Variants in ADARB1 observed in about 807,000 individuals in gnomAD.
ADARB1 encodes adenosine deaminase RNA specific B1.
In ADARB1, 10 loss-of-function variants were observed where a neutral mutation model predicts 52.4. The ratio of observed to expected loss-of-function variants is 0.19; its 90% CI spans 0.12 to 0.32. The LOEUF (loss-of-function observed/expected upper bound fraction) is 0.32, where lower values mean the gene tolerates loss of function less well. ADARB1 is among the 10% of genes least tolerant of loss of function. The probability of loss-of-function intolerance (pLI) is 1.00; values close to 1 mark genes in which losing one functional copy is unlikely to be tolerated. For missense variants in ADARB1, 643 were observed against 922.3 expected (o/e 0.70, Z 3.92); for synonymous variants, 349 against 371.1 (o/e 0.94, Z 0.68).
chr21:45,179,920 G>A (rs564797496), intron 4 of ADARB1, among the ~76,000 whole-genome samples: 2 of 152,236 alleles, frequency 1.3e-5, no homozygotes, highest in East Asian at 1.9e-4. Context: ...GTGTGTGCAT[G>A]TGAGAGAGGG....
At position 45,204,769 on chromosome 21, in the gene ADARB1, C is replaced by A. The variant is rs1481813914; in HGVS notation, c.1747+33C>A. The A allele has an allele frequency of 6.3e-7, 1 of 1,599,490 alleles. No homozygotes were observed. The highest frequency in any genetic ancestry group is 8.5e-7 in the Non-Finnish European group (1 of 1,170,172). ...TCTCTAGAGTGTGCTGATTTAATCT[C>A]TGTCTTGATTTTGCAATGTTTTCAT... On this transcript the variant is annotated intron_variant, in intron 9 of 10. Transcript: ENST00000348831. This position sits in a 1 kb window ranked among gnomAD's most constrained non-coding sequence, Gnocchi z 4.4.
intron 2 of ADARB1, among the ~76,000 whole-genome samples, chr21:45,161,991 A>G (rs1181698373): frequency 2.0e-5 from 3 of 152,170 alleles, no homozygotes; most frequent in East Asian, 3.9e-4. Context: ...CACGCACCTC[A>G]TTCTTCCTGG....
intron 1 of ADARB1, among the ~76,000 whole-genome samples, chr21:45,098,808 T>C (rs960371305): frequency 6.6e-6 from 1 of 152,178 alleles, no homozygotes; most frequent in Non-Finnish European, 1.5e-5. Flanking sequence ...CCTTCAATCT[T>C]GTGTATATTT....
intron 1 of ADARB1, among the ~76,000 whole-genome samples, chr21:45,111,631 A>C (rs1489996650): frequency 6.6e-6 from 1 of 152,204 alleles, no homozygotes; most frequent in Non-Finnish European, 1.5e-5. Context: ...ATATAAATGC[A>C]GTCAAAGGAT....
intron 8 of ADARB1, among the ~76,000 whole-genome samples, chr21:45,196,427 G>A (rs535945224): frequency 2.6e-5 from 4 of 152,140 alleles, no homozygotes; most frequent in African/African-American, 9.7e-5. Flanking sequence ...AGGAGATAAT[G>A]TTTGTGACAT....
At chr21:45,082,336 A>G (rs1258701271) in intron 1 of ADARB1, among the ~76,000 whole-genome samples, 1 of 152,230 alleles carries the variant, frequency 6.6e-6, no homozygotes, top group Non-Finnish European at 1.5e-5. Flanking sequence ...TCAAAATTCA[A>G]AGTACACTTT....
intron 1 of ADARB1, among the ~76,000 whole-genome samples, chr21:45,106,630 T>G (rs2087270766): frequency 6.6e-6 from 1 of 152,200 alleles, no homozygotes; most frequent in Non-Finnish European, 1.5e-5. Context: ...TAATAAACCA[T>G]TTTTAGTGCT....
chr21:45,221,854 T>C lies in ADARB1; in HGVS notation c.1927-164T>C, dbSNP rs1333346210. The stretch of plus-strand genomic sequence containing the variant: ...TCAGCCCTTAGGAGACGCCGCACCT[T>C]GTTCTGTGTGAAGCCGTTCCCTTGG... On this transcript the variant is annotated intron_variant, in intron 10 of 10. Transcript: ENST00000348831. This position sits in a 1 kb window ranked among gnomAD's most constrained non-coding sequence, Gnocchi z 4.9. 1.3e-5 allele frequency among the ~76,000 whole-genome samples: 2 copies of C among 152,194 alleles called. No homozygotes were observed. The highest frequency in any genetic ancestry group is 2.9e-5 in the Non-Finnish European group (2 of 68,028).
chr21:45,120,770 C>T (rs767016909), intron 1 of ADARB1: 1 of 152,162 alleles, frequency 6.6e-6, no homozygotes, highest in South Asian at 2.1e-4. Flanking sequence ...CTTTCTTTAT[C>T]CTCCATTTTT....
At chr21:45,097,007 A>G (rs540824499) in intron 1 of ADARB1, among the ~76,000 whole-genome samples, 34 of 152,268 alleles carry the variant, frequency 2.2e-4, no homozygotes, top group African/African-American at 6.7e-4. Context: ...CCAAAGTGCT[A>G]GGATTACAGG....
At chr21:45,147,629 G>C (rs1028899963) in intron 2 of ADARB1, among the ~76,000 whole-genome samples, 1 of 151,976 alleles carries the variant, frequency 6.6e-6, no homozygotes, top group South Asian at 2.1e-4. Flanking sequence ...CCAGGCCCCC[G>C]GGGGTGCACA....
intron 2 of ADARB1, among the ~76,000 whole-genome samples, chr21:45,156,614 C>T (rs1468641899): frequency 6.7e-6 from 1 of 150,096 alleles, no homozygotes; most frequent in Non-Finnish European, 1.5e-5. Flanking sequence ...CATCCACCCA[C>T]CCACTCACCC....
At chr21:45,179,791 G>A (rs2146187790) in intron 4 of ADARB1, among the ~76,000 whole-genome samples, 1 of 152,280 alleles carries the variant, frequency 6.6e-6, no homozygotes, top group Middle Eastern at 3.4e-3. Flanking sequence ...TGCACAGCTT[G>A]TGGCTTCCTT....
intron 1 of ADARB1, among the ~76,000 whole-genome samples, chr21:45,126,546 CG>C (rs1290999752): frequency 6.6e-6 from 1 of 152,130 alleles, no homozygotes; most frequent in East Asian, 1.9e-4. Context: ...CCATCTGCGG[CG>C]GGTGTTCCTT....
intron 2 of ADARB1, among the ~76,000 whole-genome samples, chr21:45,151,695 G>T (rs2090299566): frequency 3.3e-5 from 5 of 152,180 alleles, no homozygotes; most frequent in Admixed American, 3.3e-4. Context: ...AGGGCTGTGG[G>T]TTCTGCTTTG....
At chr21:45,113,475 A>G (rs1420581738) in intron 1 of ADARB1, among the ~76,000 whole-genome samples, 2 of 143,524 alleles carry the variant, frequency 1.4e-5, no homozygotes, top group African/African-American at 5.2e-5. Context: ...GTGTATATAT[A>G]TATATGTGTG....
chr21:45,184,190 C>T (rs1213232994), intron 7 of ADARB1, among the ~76,000 whole-genome samples: 3 of 152,188 alleles, frequency 2.0e-5, no homozygotes, highest in African/African-American at 7.2e-5. Flanking sequence ...ACCATACTTT[C>T]CATGGGTTTA....
chr21:45,124,448 C>T (rs1227279245), intron 1 of ADARB1, among the ~76,000 whole-genome samples: 1 of 152,144 alleles, frequency 6.6e-6, no homozygotes, highest in Non-Finnish European at 1.5e-5. Flanking sequence ...AATTTCGGCT[C>T]ACTGCAGCCT....
chr21:45,184,873 C>A, intron 7 of ADARB1, 50 bp from the exon 8 acceptor site: 1 of 1,521,064 alleles, frequency 6.6e-7, no homozygotes, highest in South Asian at 1.2e-5. Flanking sequence ...TTCAATAAAT[C>A]AAATAGATGG....
Sources: allele counts gnomAD v4.1 joint callset (sites outside exome capture counted in the v4.1 genomes callset), GRCh38; gene constraint gnomAD v4.1.1; non-coding constraint Gnocchi (gnomAD v3.1); transcripts MANE v1.5; gene names NCBI Gene and HGNC (gene_info 2026-07-23, HGNC 2026-07-21).